Variants in MED13 observed in about 807,000 individuals in gnomAD.
The protein encoded by MED13 is mediator of RNA polymerase II transcription subunit 13.
MED13 carries 23 observed loss-of-function variants against 225.2 expected under a neutral mutation model. The observed-to-expected ratio is 0.10, with a 90% CI of 0.07 to 0.14. MED13 has a LOEUF of 0.14. MED13 is among the 10% of genes least tolerant of loss of function. The pLI, the probability that MED13 is intolerant of heterozygous loss-of-function variation, is 1.00. For synonymous variants in MED13, 942 were observed against 889.2 expected (o/e 1.06, Z -1.06); for missense variants, 2,197 against 2,594.5 (o/e 0.85, Z 3.33).
At chr17:62,042,041 T>C (rs1283482999) in intron 3 of MED13, among the ~76,000 whole-genome samples, 1 of 152,224 alleles carries the variant, frequency 6.6e-6, no homozygotes, top group Non-Finnish European at 1.5e-5. Context: ...CTCCAGGTGA[T>C]TCCCACATCC....
chr17:61,970,723 T>C (rs1224540833), intron 17 of MED13, among the ~76,000 whole-genome samples: 1 of 90,154 alleles, frequency 1.1e-5, no homozygotes, highest in South Asian at 4.0e-4. Context: ...GATAGTTATT[T>C]AGGTTTTTTT....
intron 16 of MED13, among the ~76,000 whole-genome samples, chr17:61,978,905 A>T (rs569287883): frequency 4.6e-5 from 7 of 152,272 alleles, no homozygotes; most frequent in African/African-American, 1.7e-4. Flanking sequence ...GTCCTCTTAC[A>T]TTTCAAAAAT....
In MED13 at chr17:61,994,532, C is replaced by A. The variant is rs1022579086; in HGVS notation, c.2181+620G>T. On this transcript the variant is annotated intron_variant, in intron 10 of 29. Transcript: ENST00000397786. ...TCTTTGAAAACTGGTAATTCACTTA[C>A]AACATATTTTAAAATCACTGTCAAA... Among the ~76,000 whole-genome samples the A allele has an allele frequency of 2.0e-5, 3 of 152,064 alleles. No individual in the cohort carries two copies. In the South Asian group the frequency reaches 6.2e-4, roughly 32 times the overall value.
chr17:62,063,229 C>T lies in MED13; in HGVS notation c.139G>A (p.Val47Met). 1.2e-6 allele frequency: 2 copies of T among 1,614,162 alleles called. No individual in the cohort carries two copies. The highest frequency in any genetic ancestry group is 1.7e-6 in the Non-Finnish European group (2 of 1,180,022). The change falls in exon 2 of 30, where the codon GTG becomes ATG. Residue 47 changes from valine (V) to methionine (M), a missense_variant. By Grantham distance (21) the Val-to-Met change is conservative. Around this residue, in one of 12 missense-constraint regions of MED13, gnomAD observed 884 missense variants for 918.5 expected, o/e 0.96. Transcript: ENST00000397786. Reference protein sequence around the residue: ...GPTSAPILFPVTEEDPILSSF... With the variant: ...GPTSAPILFPMTEEDPILSSF... ...CTCAAAATGGGGTCTTCTTCTGTCA[C>T]AGGAAACAGAATAGGGGCAGAAGTT...
At chr17:62,038,348 G>A (rs1326997706) in intron 3 of MED13, among the ~76,000 whole-genome samples, 3 of 152,112 alleles carry the variant, frequency 2.0e-5, no homozygotes, top group Non-Finnish European at 4.4e-5. Flanking sequence ...GGTGCAGTGA[G>A]CTATGATGAC....
intron 5 of MED13, among the ~76,000 whole-genome samples, chr17:62,033,536 T>C (rs1188614645): frequency 1.3e-5 from 2 of 152,222 alleles, no homozygotes; most frequent in Non-Finnish European, 2.9e-5. Context: ...TCCCTATTAT[T>C]CTTCTGTTCT....
chr17:61,977,316 C>A (rs2080165706), intron 16 of MED13, among the ~76,000 whole-genome samples: 1 of 152,170 alleles, frequency 6.6e-6, no homozygotes, highest in Non-Finnish European at 1.5e-5. Context: ...ACAGAGTTAT[C>A]CACATAAATA....
intron 8 of MED13, among the ~76,000 whole-genome samples, chr17:62,021,400 G>A (rs1366964166): frequency 6.7e-6 from 1 of 149,458 alleles, no homozygotes; most frequent in Non-Finnish European, 1.5e-5. Context: ...CGGACGGGGC[G>A]GCTGGCCGGG....
chr17:62,065,027 TG>T, intron 1 of MED13, 112 bp downstream of exon 1: 1 of 932,848 alleles, frequency 1.1e-6, no homozygotes, highest in Non-Finnish European at 1.5e-6. Context: ...CGGCTCCGGC[TG>T]GGCCTCGCCC....
At chr17:62,056,769 G>GA (rs1180162249) in intron 2 of MED13, among the ~76,000 whole-genome samples, 7 of 150,732 alleles carry the variant, frequency 4.6e-5, no homozygotes, top group Admixed American at 2.6e-4. Context: ...ACAAAAAAAA[G>GA]AAAAAAAAAT....
intron 3 of MED13, chr17:62,036,807 TTC>T (rs2080807674): frequency 1.3e-5 from 2 of 152,228 alleles, no homozygotes; most frequent in Non-Finnish European, 2.9e-5. Flanking sequence ...AAGCATGTTA[TTC>T]AAGTTACAAA....
chr17:61,990,248 CAT>C (rs1376433722), intron 11 of MED13, among the ~76,000 whole-genome samples: 3 of 152,018 alleles, frequency 2.0e-5, no homozygotes, highest in Non-Finnish European at 4.4e-5. Context: ...TAAGGTAATG[CAT>C]ATGTTAAACA....
intron 8 of MED13, among the ~76,000 whole-genome samples, chr17:62,014,151 CT>C (rs2080538832): frequency 6.6e-6 from 1 of 151,894 alleles, no homozygotes; most frequent in Non-Finnish European, 1.5e-5. Context: ...GATACTGTCT[CT>C]CTCTGACGTA....
At chr17:62,007,797 A>G (rs144268822) in intron 9 of MED13, among the ~76,000 whole-genome samples, 11,535 of 151,710 alleles carry the variant, frequency 0.076, 1,508 homozygotes, top group African/African-American at 0.26. Context: ...GCAGTGAGCC[A>G]AGATCGCGCC....
intron 8 of MED13, among the ~76,000 whole-genome samples, chr17:62,014,690 C>T (rs1382064745): frequency 6.6e-6 from 1 of 152,106 alleles, no homozygotes; most frequent in South Asian, 2.1e-4. Context: ...ACAAGTCTTG[C>T]TCTGTCTCTT....
chr17:61,984,188 C>T lies in MED13; in HGVS notation c.2871G>A (p.Met957Ile), dbSNP rs768736233. 2 of 1,575,782 alleles carry T rather than the reference C, an allele frequency of 1.3e-6. No homozygotes were observed. Among genetic ancestry groups the T allele is most frequent in the Non-Finnish European group, 1.7e-6 (2 of 1,163,132 alleles). ...KLELLSSGPS[M>I]PFIKEGDGSN... ...AATCATACCCCTCTTTGATGAATGG[C>T]ATTGAAGGCCCTGAAGAAAGCAATT... The change falls in exon 15 of 30, where the codon ATG becomes ATA. Residue 957 changes from methionine (M) to isoleucine (I), a missense_variant. Met to Ile is a conservative substitution (Grantham distance 10). Coordinates refer to ENST00000397786, the MANE Select transcript of MED13 (RefSeq NM_005121.3).
At chr17:62,027,806 A>G (rs2080716901) in intron 8 of MED13, among the ~76,000 whole-genome samples, 3 of 152,256 alleles carry the variant, frequency 2.0e-5, no homozygotes, top group Non-Finnish European at 1.5e-5. Flanking sequence ...CAACATGCAT[A>G]TGTAAAAAAG....
chr17:61,959,925 C>T (rs1253480403), intron 23 of MED13, among the ~76,000 whole-genome samples: 1 of 151,876 alleles, frequency 6.6e-6, no homozygotes, highest in Non-Finnish European at 1.5e-5. Flanking sequence ...GGGGTTTCGC[C>T]ATGTTGCCCA....
At chr17:62,008,831 GC>G (rs1398671494) in intron 9 of MED13, among the ~76,000 whole-genome samples, 2 of 152,060 alleles carry the variant, frequency 1.3e-5, no homozygotes, top group Non-Finnish European at 1.5e-5. Context: ...AGTCTAGAAA[GC>G]AACTGGTTCA....
Sources: allele counts gnomAD v4.1 joint callset (sites outside exome capture counted in the v4.1 genomes callset), GRCh38; gene constraint gnomAD v4.1.1; regional missense constraint gnomAD v4.1.1; transcripts MANE v1.5; gene names NCBI Gene and HGNC (gene_info 2026-07-23, HGNC 2026-07-21).